AHRR: variants seen among roughly 807,000 people sequenced by gnomAD.
AHRR encodes the protein ahR repressor.
AHRR carries 28 observed loss-of-function variants against 44.0 expected under a neutral mutation model. The ratio of observed to expected loss-of-function variants is 0.64; its 90% CI spans 0.47 to 0.87. The LOEUF (loss-of-function observed/expected upper bound fraction) is 0.87. AHRR is among the 40% of genes least tolerant of loss of function. The probability of loss-of-function intolerance (pLI) is 0.00; values close to 1 mark genes in which losing one functional copy is unlikely to be tolerated. For synonymous variants in AHRR, 434 were observed against 407.0 expected, an observed-to-expected ratio of 1.07 and a Z score of -0.80; for missense variants, 990 against 953.9, an observed-to-expected ratio of 1.04 and a Z score of -0.50.
chr5:353,178 C>G (rs1186730382), intron 2 of AHRR, among the ~76,000 whole-genome samples: 1 of 152,154 alleles, frequency 6.6e-6, no homozygotes, highest in African/African-American at 2.4e-5. Context: ...CTCATTTGCC[C>G]TGGGTACTCT....
chr5:350,966 A>AGAAAATATAAAAATGGACAACAAGCATTT lies in AHRR; in HGVS notation c.63-2758_63-2730dup, dbSNP rs539300113. Among the ~76,000 whole-genome samples, 380 of 152,332 alleles carry AGAAAATATAAAAATGGACAACAAGCATTT rather than the reference A, an allele frequency of 2.5e-3. 12 individuals are homozygous for AGAAAATATAAAAATGGACAACAAGCATTT. Among genetic ancestry groups the AGAAAATATAAAAATGGACAACAAGCATTT allele is most frequent in the Admixed American group, 0.025 (379 of 15,280 alleles). On this transcript the variant is annotated intron_variant, in intron 2 of 10. Coordinates refer to ENST00000684583, the MANE Select transcript of AHRR (RefSeq NM_001377236.1). ...AAGACTTGAATAGCCATTTCTCCAA[A>AGAAAATATAAAAATGGACAACAAGCATTT]GAAAATATAAAAATGGACAACAAGC...
chr5:404,338 T>G lies in AHRR; in HGVS notation c.352-9006T>G, dbSNP rs1579675676. ...AGTGTTACTAAAAGCTGTTTCACTC[T>G]TTTTTTTTTCTTTTTTCCTTCATTC... is the stretch of plus-strand genomic sequence containing the variant. On this transcript the variant is annotated intron_variant, in intron 4 of 10. Transcript: ENST00000684583. This position sits in a 1 kb window ranked among gnomAD's most constrained non-coding sequence, Gnocchi z 4.1. The G allele has an allele frequency of 1.3e-5, 2 of 155,222 alleles. No homozygotes were observed. Among genetic ancestry groups the G allele is most frequent in the African/African-American group, 3.4e-5 (1 of 29,744 alleles). 9.6% of individuals were successfully genotyped at this position (155,222 alleles called of 1,614,324 possible). A position where few individuals can be genotyped will look rare whatever the true frequency, so the allele number is the denominator to read the frequency against.
intron 4 of AHRR, among the ~76,000 whole-genome samples, chr5:402,122 A>G (rs922121147): frequency 6.6e-6 from 1 of 152,184 alleles, no homozygotes; most frequent in Non-Finnish European, 1.5e-5. Flanking sequence ...AAACCCCATT[A>G]AAAACCAGGA....
At chr5:427,063 G>GTGGA (rs535796325) in intron 7 of AHRR, among the ~76,000 whole-genome samples, 1 of 150,130 alleles carries the variant, frequency 6.7e-6, no homozygotes, top group Non-Finnish European at 1.5e-5. Flanking sequence ...GGATGGATGG[G>GTGGA]TGGATGGATG....
At chr5:409,635 T>G (rs1175375017) in intron 4 of AHRR, among the ~76,000 whole-genome samples, 1 of 147,102 alleles carries the variant, frequency 6.8e-6, no homozygotes, top group Non-Finnish European at 1.5e-5. Context: ...TGTGCAAACG[T>G]TTGTCCCATG....
At chr5:378,561 G>A (rs1451805222) in intron 4 of AHRR, among the ~76,000 whole-genome samples, 2 of 152,246 alleles carry the variant, frequency 1.3e-5, no homozygotes, top group Admixed American at 6.5e-5. Context: ...CCTTCCCCAG[G>A]GAAGCCAAGA....
intron 8 of AHRR, 158 bp from the exon 9 acceptor site, chr5:432,305 T>C: frequency 1.5e-6 from 1 of 676,902 alleles, no homozygotes; most frequent in Non-Finnish European, 2.5e-6. Flanking sequence ...TTCCACACTA[T>C]AAAGAATTAA....
intron 3 of AHRR, among the ~76,000 whole-genome samples, chr5:368,970 C>T (rs1743469611): frequency 6.6e-6 from 1 of 152,166 alleles, no homozygotes. Context: ...TTGGGGTGCC[C>T]CCCGTTTTGT....
intron 8 of AHRR, among the ~76,000 whole-genome samples, chr5:430,193 A>G (rs1736659367): frequency 6.6e-6 from 1 of 152,274 alleles, no homozygotes; most frequent in Non-Finnish European, 1.5e-5. Context: ...TTAGTATTCA[A>G]TTTCATTTTT....
At position 422,657 on chromosome 5, in the gene AHRR, T is replaced by C. The variant is rs1485793615; in HGVS notation, c.442-72T>C. The stretch of plus-strand genomic sequence containing the variant: ...ACAAGTGGAGTGGAAATTTTTCGGT[T>C]ACTCGTCGGTGGAATAAAGTGTCTA... On this transcript the variant is annotated intron_variant, in intron 5 of 10. Coordinates refer to ENST00000684583, the MANE Select transcript of AHRR (RefSeq NM_001377236.1). 5 of 1,608,650 alleles carry C rather than the reference T, an allele frequency of 3.1e-6. No individual in the cohort carries two copies. The African/African-American group carries it at 5.3e-5, about 17-fold the overall frequency.
intron 4 of AHRR, among the ~76,000 whole-genome samples, chr5:385,527 A>AT (rs1412312887): frequency 1.3e-5 from 2 of 151,980 alleles, no homozygotes; most frequent in Non-Finnish European, 2.9e-5. Context: ...CTGGGTAGTT[A>AT]TTTTTTGTCT....
chr5:366,648 A>G (rs1366348839), intron 3 of AHRR, among the ~76,000 whole-genome samples: 1 of 152,224 alleles, frequency 6.6e-6, no homozygotes, highest in Non-Finnish European at 1.5e-5. Context: ...TCTATTAATT[A>G]TGAAGCCGAA....
intron 4 of AHRR, 67 bp downstream of exon 4, chr5:376,783 C>T (rs1733720639): frequency 7.3e-7 from 1 of 1,367,622 alleles, no homozygotes; most frequent in Non-Finnish European, 1.0e-6. Flanking sequence ...TGTTCAGGCT[C>T]AGTCATACTC....
intron 2 of AHRR, among the ~76,000 whole-genome samples, chr5:344,784 TG>T (rs201160859): frequency 4.3e-5 from 5 of 115,132 alleles, no homozygotes; most frequent in African/African-American, 2.2e-4. Flanking sequence ...ACTGTGCGGG[TG>T]TGCGAGGCTG....
intron 8 of AHRR, among the ~76,000 whole-genome samples, chr5:431,395 A>G (rs1391048278): frequency 1.3e-5 from 2 of 152,146 alleles, no homozygotes; most frequent in African/African-American, 4.8e-5. Flanking sequence ...AACCAAGAAT[A>G]CTGACTCCCA....
At chr5:424,684 C>T (rs1736307129) in intron 7 of AHRR, among the ~76,000 whole-genome samples, 1 of 152,210 alleles carries the variant, frequency 6.6e-6, no homozygotes, top group Admixed American at 6.5e-5. Context: ...CTGCCAAGGG[C>T]TGGCAAACTG....
intron 6 of AHRR, 120 bp from the exon 7 acceptor site, chr5:423,721 A>T: frequency 7.6e-7 from 1 of 1,315,342 alleles, no homozygotes; most frequent in African/African-American, 1.5e-5. Context: ...GGGCGGGAGG[A>T]TGGCACAGTG....
chr5:427,528 A>G, intron 7 of AHRR: 2 of 1,333,386 alleles, frequency 1.5e-6, no homozygotes, highest in Non-Finnish European at 2.1e-6. Context: ...ACACATGAAC[A>G]GGCACACACG....
At chr5:423,820 C>T in intron 6 of AHRR, 21 bp from the exon 7 acceptor site, 3 of 1,582,196 alleles carry the variant, frequency 1.9e-6, no homozygotes, top group Non-Finnish European at 2.6e-6. Flanking sequence ...CGCCACGCCC[C>T]TTGGCCCCTA....
Sources: gnomAD v4.1 joint callset for allele counts (sites outside exome capture counted in the v4.1 genomes callset) on GRCh38, gnomAD v4.1.1 for gene constraint, Gnocchi (gnomAD v3.1) non-coding constraint, MANE v1.5 for transcripts, NCBI Gene and HGNC (gene_info 2026-07-23, HGNC 2026-07-21) for gene names.